CPNE4: variants seen among roughly 807,000 people sequenced by gnomAD.
CPNE4 encodes copine-4.
CPNE4 carries 25 observed loss-of-function variants against 67.9 expected under a neutral mutation model. The ratio of observed to expected loss-of-function variants is 0.37; its 90% CI spans 0.27 to 0.51. The LOEUF is 0.51. Among genes scored for constraint, CPNE4 ranks in the 20% least tolerant of loss-of-function variants. CPNE4 has a pLI of 0.93. For missense variants in CPNE4, 464 were observed against 690.8 expected (o/e 0.67, Z 3.68); for synonymous variants, 242 against 244.9 (o/e 0.99, Z 0.11).
intron 1 of CPNE4, among the ~76,000 whole-genome samples, chr3:132,009,052 T>C (rs998252476): frequency 6.6e-6 from 1 of 152,196 alleles, no homozygotes; most frequent in Non-Finnish European, 1.5e-5. Context: ...GCACACAGAA[T>C]GCAGTGGGTC....
intron 1 of CPNE4, among the ~76,000 whole-genome samples, chr3:132,000,228 G>T (rs2073396713): frequency 6.6e-6 from 1 of 151,960 alleles, no homozygotes; most frequent in African/African-American, 2.4e-5. Flanking sequence ...GAATAATGCT[G>T]AATGGGCCCA....
intron 5 of CPNE4, among the ~76,000 whole-genome samples, chr3:131,689,400 A>G (rs762848719): frequency 6.6e-6 from 1 of 152,080 alleles, no homozygotes; most frequent in Non-Finnish European, 1.5e-5. Flanking sequence ...AATCAAGTAC[A>G]CTTTATTCCT....
intron 2 of CPNE4, among the ~76,000 whole-genome samples, chr3:131,818,785 G>A (rs1004494729): frequency 2.4e-4 from 36 of 152,182 alleles, no homozygotes; most frequent in African/African-American, 8.4e-4. Context: ...GACATGACCT[G>A]CCATAAATTA....
At chr3:131,961,355 C>T (rs1333586106) in intron 1 of CPNE4, among the ~76,000 whole-genome samples, 1 of 152,122 alleles carries the variant, frequency 6.6e-6, no homozygotes, top group Admixed American at 6.5e-5. Context: ...TCACCCTGAG[C>T]CTGTTTTATC....
intron 2 of CPNE4, among the ~76,000 whole-genome samples, chr3:131,845,224 C>T (rs1035099019): frequency 1.3e-5 from 2 of 152,190 alleles, no homozygotes; most frequent in Non-Finnish European, 2.9e-5. Context: ...CCACCATCAT[C>T]AACTTATATT....
chr3:132,025,111 A>G (rs2074089208), intron 1 of CPNE4, among the ~76,000 whole-genome samples: 1 of 152,204 alleles, frequency 6.6e-6, no homozygotes, highest in African/African-American at 2.4e-5. Context: ...ATTCTGACTC[A>G]TCCTCAAGTT....
At chr3:131,726,214 T>C (rs558448102) in intron 2 of CPNE4, among the ~76,000 whole-genome samples, 1 of 152,356 alleles carries the variant, frequency 6.6e-6, no homozygotes, top group South Asian at 2.1e-4. Flanking sequence ...AAATAAGTGA[T>C]GTGCACCAAT....
chr3:132,028,879 G>T (rs1302689755), intron 1 of CPNE4, among the ~76,000 whole-genome samples: 2 of 150,092 alleles, frequency 1.3e-5, no homozygotes, highest in Non-Finnish European at 3.0e-5. Flanking sequence ...TCGATTACAT[G>T]ATTTTTTAAA....
intron 2 of CPNE4, among the ~76,000 whole-genome samples, chr3:131,769,701 G>T (rs2083115572): frequency 6.6e-6 from 1 of 152,060 alleles, no homozygotes; most frequent in Admixed American, 6.6e-5. Flanking sequence ...ATCCTTCCTG[G>T]AAGAACAGTT....
At chr3:131,998,728 G>C (rs2073356791) in intron 1 of CPNE4, among the ~76,000 whole-genome samples, 1 of 151,976 alleles carries the variant, frequency 6.6e-6, no homozygotes, top group African/African-American at 2.4e-5. Context: ...TGAAAAGATG[G>C]GTAAGGTTTT....
At chr3:131,546,760 C>T (rs1392230879) in intron 14 of CPNE4, among the ~76,000 whole-genome samples, 1 of 152,084 alleles carries the variant, frequency 6.6e-6, no homozygotes, top group Non-Finnish European at 1.5e-5. Context: ...CCATGTGAGT[C>T]CTGGTACCCC....
At chr3:131,945,213 T>C (rs1272661068) in intron 1 of CPNE4, among the ~76,000 whole-genome samples, 4 of 152,180 alleles carry the variant, frequency 2.6e-5, no homozygotes, top group Admixed American at 6.5e-5. Flanking sequence ...ACTTATTTAG[T>C]CCTCTCAAAA....
At chr3:131,950,008 G>A (rs1169491763) in intron 1 of CPNE4, among the ~76,000 whole-genome samples, 2 of 152,088 alleles carry the variant, frequency 1.3e-5, no homozygotes, top group African/African-American at 4.8e-5. Flanking sequence ...GAGCATGTGT[G>A]AGAGTTTCTT....
At chr3:131,736,017 G>T (rs1323965072) in intron 2 of CPNE4, among the ~76,000 whole-genome samples, 1 of 152,094 alleles carries the variant, frequency 6.6e-6, no homozygotes, top group African/African-American at 2.4e-5. Context: ...GAGATAGCTG[G>T]GTTTCTTCAC....
intron 9 of CPNE4, among the ~76,000 whole-genome samples, chr3:131,578,063 G>A (rs1166738301): frequency 1.3e-5 from 2 of 151,976 alleles, no homozygotes; most frequent in Non-Finnish European, 2.9e-5. Context: ...ATATGTATAG[G>A]TGTATCTTCT....
chr3:132,033,004 TTTTG>T (rs2074269367), intron 1 of CPNE4, among the ~76,000 whole-genome samples: 1 of 152,224 alleles, frequency 6.6e-6, no homozygotes. Context: ...GTGTTTGTTT[TTTTG>T]TTTTGTTATA....
At chr3:131,744,377 CTTT>C (rs1243484366) in intron 2 of CPNE4, among the ~76,000 whole-genome samples, 1 of 137,908 alleles carries the variant, frequency 7.3e-6, no homozygotes, top group Non-Finnish European at 1.6e-5. Context: ...TTTAGTGAAA[CTTT>C]TTATTTTGTG....
intron 2 of CPNE4, among the ~76,000 whole-genome samples, chr3:131,809,742 G>C (rs1286808778): frequency 6.6e-6 from 1 of 152,100 alleles, no homozygotes; most frequent in Non-Finnish European, 1.5e-5. Flanking sequence ...TCACCTGATA[G>C]GTTATTGTAG....
chr3:131,537,502 C>T (rs1354166253), intron 15 of CPNE4: 3 of 174,322 alleles, frequency 1.7e-5, no homozygotes, highest in East Asian at 1.8e-4. Flanking sequence ...AGGCTGGTCT[C>T]GAACTCCTGA....
Sources: gnomAD v4.1 joint callset for allele counts (sites outside exome capture counted in the v4.1 genomes callset) on GRCh38, gnomAD v4.1.1 for gene constraint, MANE v1.5 for transcripts, NCBI Gene and HGNC (gene_info 2026-07-23, HGNC 2026-07-21) for gene names.